The following GRID1 variants were observed in gnomAD, a reference collection of about 807,000 sequenced individuals.
GRID1 encodes the protein glutamate ionotropic receptor delta type subunit 1.
Under a neutral mutation model 98.0 loss-of-function variants are expected in GRID1, and 28 were observed. That is an observed-to-expected ratio of 0.29 (90% CI 0.21 to 0.39). The LOEUF is 0.39. Among genes scored for constraint, GRID1 ranks in the 10% least tolerant of loss-of-function variants. The pLI is 1.00. For missense variants in GRID1, 1,111 were observed against 1,340.5 expected, an observed-to-expected ratio of 0.83 and a Z score of 2.67; for synonymous variants, 553 against 538.5, an observed-to-expected ratio of 1.03 and a Z score of -0.37.
At chr10:86,301,350 C>G (rs1490283681) in intron 2 of GRID1, among the ~76,000 whole-genome samples, 1 of 152,256 alleles carries the variant, frequency 6.6e-6, no homozygotes, top group Non-Finnish European at 1.5e-5. Context: ...GCCACTGACA[C>G]CCTTCATTTC....
chr10:85,909,923 C>T (rs1016421695), intron 5 of GRID1, among the ~76,000 whole-genome samples: 6 of 152,112 alleles, frequency 3.9e-5, no homozygotes, highest in African/African-American at 9.7e-5. Context: ...TAAACCTCAA[C>T]AAAGCTGTTA....
At chr10:85,637,003 G>A (rs191031129) in intron 13 of GRID1, among the ~76,000 whole-genome samples, 4 of 152,200 alleles carry the variant, frequency 2.6e-5, no homozygotes, top group Non-Finnish European at 5.9e-5. Flanking sequence ...CAATCAAGAA[G>A]GGAATGTTTA....
intron 2 of GRID1, among the ~76,000 whole-genome samples, chr10:86,255,087 G>A (rs894532371): frequency 2.0e-5 from 3 of 152,128 alleles, no homozygotes; most frequent in Non-Finnish European, 4.4e-5. Flanking sequence ...CCTGCTCCAT[G>A]GGCTCCCCAC....
intron 3 of GRID1, among the ~76,000 whole-genome samples, chr10:86,160,391 T>C (rs1387044237): frequency 6.6e-6 from 1 of 152,204 alleles, no homozygotes; most frequent in Non-Finnish European, 1.5e-5. Context: ...ACCAACTAGC[T>C]AGCATCGCCA....
chr10:86,290,990 C>A (rs1473676796), intron 2 of GRID1, among the ~76,000 whole-genome samples: 2 of 152,182 alleles, frequency 1.3e-5, no homozygotes, highest in Non-Finnish European at 2.9e-5. Context: ...AGGTCCCAGT[C>A]CCTGAAAGGC....
chr10:86,303,498 G>A (rs1847718843), intron 2 of GRID1, among the ~76,000 whole-genome samples: 1 of 152,196 alleles, frequency 6.6e-6, no homozygotes, highest in South Asian at 2.1e-4. Context: ...AAGCAGGCAA[G>A]GGGAGAGCAT....
At chr10:86,090,067 A>G (rs1447573806) in intron 4 of GRID1, among the ~76,000 whole-genome samples, 1 of 152,156 alleles carries the variant, frequency 6.6e-6, no homozygotes, top group African/African-American at 2.4e-5. Flanking sequence ...AAAACTAAAA[A>G]ATACAATAAC....
At chr10:85,942,061 C>A (rs1009957223) in intron 4 of GRID1, among the ~76,000 whole-genome samples, 2 of 152,168 alleles carry the variant, frequency 1.3e-5, no homozygotes, top group Non-Finnish European at 2.9e-5. Context: ...AGGATCTATC[C>A]CAACTAATGG....
At chr10:85,672,613 T>G (rs1371149914) in intron 12 of GRID1, among the ~76,000 whole-genome samples, 1 of 152,154 alleles carries the variant, frequency 6.6e-6, no homozygotes, top group African/African-American at 2.4e-5. Context: ...GCCTCTGTGC[T>G]CTGTAAATGG....
chr10:85,628,165 G>A (rs1842933563), intron 13 of GRID1, among the ~76,000 whole-genome samples: 1 of 151,884 alleles, frequency 6.6e-6, no homozygotes, highest in South Asian at 2.1e-4. Flanking sequence ...GTGTCTATAG[G>A]TATGTATTTA....
intron 2 of GRID1, among the ~76,000 whole-genome samples, chr10:86,214,554 C>T (rs1033158230): frequency 6.6e-6 from 1 of 152,190 alleles, no homozygotes; most frequent in African/African-American, 2.4e-5. Flanking sequence ...ACCCCCAGCA[C>T]CCAGCACAGC....
intron 4 of GRID1, among the ~76,000 whole-genome samples, chr10:85,938,835 C>CT (rs1437769881): frequency 2.0e-5 from 3 of 152,186 alleles, no homozygotes; most frequent in Non-Finnish European, 1.5e-5. Context: ...AAAATTACAA[C>CT]TTGATAATAC....
At chr10:86,162,875 G>A (rs1845342312) in intron 3 of GRID1, among the ~76,000 whole-genome samples, 1 of 152,200 alleles carries the variant, frequency 6.6e-6, no homozygotes, top group Non-Finnish European at 1.5e-5. Context: ...TCCTGGGGTT[G>A]CAGATTTCTC....
At chr10:85,984,006 C>T (rs540827089) in intron 4 of GRID1, among the ~76,000 whole-genome samples, 31 of 152,232 alleles carry the variant, frequency 2.0e-4, no homozygotes, top group Middle Eastern at 6.8e-3. Flanking sequence ...CCTCTGGACA[C>T]GTGAGTGTCA....
chr10:86,192,978 G>A lies in GRID1; in HGVS notation c.520+13386C>T, dbSNP rs116520333. Among the ~76,000 whole-genome samples the A allele has an allele frequency of 6.1e-3, 926 of 152,102 alleles. 9 individuals are homozygous for A. The highest frequency in any genetic ancestry group is 0.021 in the African/African-American group (887 of 41,520). On this transcript the variant is annotated intron_variant, in intron 3 of 15. Transcript: ENST00000327946. This position sits in a 1 kb window ranked among gnomAD's most constrained non-coding sequence, Gnocchi z 4.8. ...CAGAGCGTGTGTCTCAGGAGAGCCCGGGAGGATGGGAAGCAAGGAAGACAG... is the reference window on the plus strand; with the variant it reads ...CAGAGCGTGTGTCTCAGGAGAGCCCAGGAGGATGGGAAGCAAGGAAGACAG...
rs1293535007 is a variant in GRID1 at position 86,072,157 on chromosome 10, T to C, written c.726+66662A>G. 3.9e-5 allele frequency among the ~76,000 whole-genome samples: 6 copies of C among 152,116 alleles called. No individual in the cohort carries two copies. In the South Asian group the frequency reaches 8.3e-4, roughly 21 times the overall value. The stretch of plus-strand genomic sequence containing the variant: ...GTCGTCAGGAAGTGTGGATATGTTT[T>C]ATGCAGAGGAACAAGGTAAGTTTTA... On this transcript the variant is annotated intron_variant, in intron 4 of 15. Coordinates refer to ENST00000327946, the MANE Select transcript of GRID1 (RefSeq NM_017551.3).
At chr10:86,334,600 G>A (rs1848198277) in intron 2 of GRID1, among the ~76,000 whole-genome samples, 1 of 152,182 alleles carries the variant, frequency 6.6e-6, no homozygotes, top group Non-Finnish European at 1.5e-5. Flanking sequence ...TTCTTCTACT[G>A]TATGCATAAG....
In GRID1 at chr10:85,599,802, A is replaced by AAAAAAAAAAAAAAAAAAAAATATAT; in HGVS notation, c.*2470_*2471insATATATTTTTTTTTTTTTTTTTTTT. On this transcript the variant is annotated 3_prime_UTR_variant, in exon 16 of 16. Transcript: ENST00000327946. ...GTAGAAAATTCTAAAAAAAAAAAAA[A>AAAAAAAAAAAAAAAAAAAAATATAT]ATATATATATATATATATAAACATG... The AAAAAAAAAAAAAAAAAAAAATATAT allele has an allele frequency of 4.6e-5, 3 of 64,980 alleles. No homozygotes were observed. Among genetic ancestry groups the AAAAAAAAAAAAAAAAAAAAATATAT allele is most frequent in the African/African-American group, 1.9e-4 (2 of 10,730 alleles). The allele number at this position is 64,980 out of a possible 1,614,324, so 4.0% of individuals were successfully genotyped here.
chr10:86,158,274 C>T (rs919615646), intron 3 of GRID1, among the ~76,000 whole-genome samples: 3 of 152,204 alleles, frequency 2.0e-5, no homozygotes, highest in African/African-American at 7.2e-5. Context: ...ACCTTAGTCT[C>T]CCTACCAATG....
Sources: gnomAD v4.1 joint callset for allele counts (sites outside exome capture counted in the v4.1 genomes callset) on GRCh38, gnomAD v4.1.1 for gene constraint, Gnocchi (gnomAD v3.1) non-coding constraint, MANE v1.5 for transcripts, NCBI Gene and HGNC (gene_info 2026-07-23, HGNC 2026-07-21) for gene names.